The following CCL14 variants were observed in gnomAD, a reference collection of about 807,000 sequenced individuals.
The protein encoded by CCL14 is C-C motif chemokine 14.
Under a neutral mutation model 8.2 loss-of-function variants are expected in CCL14, and 8 were observed. The observed-to-expected ratio is 0.98, with a 90% CI of 0.57 to 1.76. The LOEUF (loss-of-function observed/expected upper bound fraction) is 1.76. Ranked by LOEUF, CCL14 falls within the 40% of genes most tolerant of loss-of-function variation. CCL14 has a pLI of 0.00. For missense variants in CCL14, 127 were observed against 118.3 expected, an observed-to-expected ratio of 1.07 and a Z score of -0.34; for synonymous variants, 50 against 43.2, an observed-to-expected ratio of 1.16 and a Z score of -0.62.
intron 1 of CCL14, 112 bp downstream of exon 1, chr17:35,986,459 C>T (rs1598737974): frequency 6.5e-6 from 5 of 764,678 alleles, no homozygotes; most frequent in Non-Finnish European, 1.1e-5. Flanking sequence ...CAAGAAGATA[C>T]CAGCCCTCCT....
intron 2 of CCL14, 34 bp downstream of exon 2, chr17:35,984,302 CCT>C: frequency 6.7e-7 from 1 of 1,483,414 alleles, no homozygotes; most frequent in Non-Finnish European, 9.4e-7. Context: ...CTGCTGGCTC[CCT>C]CTCCCCCCAG....
At chr17:35,984,301 C>T (rs752792314) in intron 2 of CCL14, 37 bp downstream of exon 2, 1 of 1,474,112 alleles carries the variant, frequency 6.8e-7, no homozygotes, top group Non-Finnish European at 9.5e-7. Flanking sequence ...CCTGCTGGCT[C>T]CCTCTCCCCC....
chr17:35,986,073 G>A (rs963162956), intron 1 of CCL14: 7 of 483,806 alleles, frequency 1.4e-5, no homozygotes, highest in African/African-American at 1.0e-4. Context: ...CCCCAAATGG[G>A]GTGGGCCACT....
At chr17:35,984,627 G>A (rs1449759415) in intron 1 of CCL14, 175 bp from the exon 2 acceptor site, 1 of 600,846 alleles carries the variant, frequency 1.7e-6, no homozygotes, top group East Asian at 2.8e-5. Flanking sequence ...TGGTACTCCT[G>A]GGCTCTTCTT....
At chr17:35,985,708 C>A in intron 1 of CCL14, 2 of 1,531,498 alleles carry the variant, frequency 1.3e-6, no homozygotes, top group Non-Finnish European at 1.8e-6. Context: ...TCTGAGCTGA[C>A]AAATGACATC....
chr17:35,985,915 G>T, intron 1 of CCL14: 1 of 801,418 alleles, frequency 1.2e-6, no homozygotes. Flanking sequence ...ACACTGTCGT[G>T]TTTCCCCCCA....
chr17:35,983,982 C>A, intron 2 of CCL14, 94 bp from the exon 3 acceptor site: 1 of 902,974 alleles, frequency 1.1e-6, no homozygotes, highest in South Asian at 1.3e-5. Context: ...CCCCACCTGA[C>A]CTATACTGCT....
chr17:35,984,756 A>C, intron 1 of CCL14: 1 of 494,736 alleles, frequency 2.0e-6, no homozygotes, highest in Non-Finnish European at 3.5e-6. Context: ...TTCTTACACC[A>C]TCTCTGGGGG....
At chr17:35,985,925 A>C (rs953088306) in intron 1 of CCL14, 3 of 736,730 alleles carry the variant, frequency 4.1e-6, no homozygotes, top group Non-Finnish European at 4.5e-6. Context: ...GTTTCCCCCC[A>C]GCCCATACCC....
At chr17:35,985,416 G>A (rs889534482) in intron 1 of CCL14, 74 of 313,962 alleles carry the variant, frequency 2.4e-4, no homozygotes, top group African/African-American at 1.3e-3. Context: ...GTAGCAGGAA[G>A]GACATTGTAG....
intron 1 of CCL14, chr17:35,985,799 A>C (rs1268532088): frequency 1.3e-6 from 2 of 1,550,276 alleles, no homozygotes; most frequent in Admixed American, 3.9e-5. Flanking sequence ...CCAGTTTCTG[A>C]AAAGGAGAGT....
intron 1 of CCL14, chr17:35,985,498 T>A (rs1420582309): frequency 3.7e-6 from 2 of 546,988 alleles, no homozygotes; most frequent in Non-Finnish European, 6.4e-6. Context: ...GCATGTTATG[T>A]GACCCTGCTT....
At position 35,986,528 on chromosome 17, in the gene CCL14, C is replaced by T. The variant is rs888652755; in HGVS notation, c.79+43G>A. On this transcript the variant is annotated intron_variant, in intron 1 of 2. Coordinates refer to ENST00000618404, the MANE Select transcript of CCL14 (RefSeq NM_032963.4). ...CCCAACCTCACTCCTGCTTATTTCC[C>T]TGCAGGCTCTAGGTTGGAAGGAAGA... 7.9e-6 allele frequency: 12 copies of T among 1,515,496 alleles called. No homozygotes were observed. In the African/African-American group the frequency reaches 1.4e-4, roughly 17 times the overall value. The allele number at this position is 1,515,496 out of a possible 1,614,324, so 93.9% of individuals were successfully genotyped here.
intron 2 of CCL14, 79 bp from the exon 3 acceptor site, chr17:35,983,967 A>C: frequency 9.6e-7 from 1 of 1,041,202 alleles, no homozygotes; most frequent in Non-Finnish European, 1.5e-6. Context: ...CCTCCCTCCT[A>C]AATTCCCCAC....
At chr17:35,983,919 C>T (rs2089713095) in intron 2 of CCL14, 31 bp from the exon 3 acceptor site, 1 of 1,535,106 alleles carries the variant, frequency 6.5e-7, no homozygotes, top group African/African-American at 1.4e-5. Context: ...GGATCACAAA[C>T]CGAGGGGCCC....
intron 1 of CCL14, 77 bp from the exon 2 acceptor site, chr17:35,984,529 G>A (rs1407395410): frequency 3.3e-6 from 3 of 907,288 alleles, no homozygotes; most frequent in Non-Finnish European, 3.7e-6. Context: ...GCAAGCTGAG[G>A]GCATGGAGGA....
chr17:35,984,769 G>T (rs954079012), intron 1 of CCL14: 1 of 487,360 alleles, frequency 2.1e-6, no homozygotes, highest in Non-Finnish European at 3.6e-6. Flanking sequence ...TCTGGGGGCC[G>T]ACTGGCAGAG....
Position 35,983,897 on chromosome 17 carries a change from C to T in CCL14, c.195-9G>A. ...CCCTTTTGGTGATGAAGCTGTGGAG[C>T]AAGAGGGAGAAGGATCACAAACCGA... On this transcript the variant is annotated splice_polypyrimidine_tract_variant and intron_variant, in intron 2 of 2. Coordinates refer to ENST00000618404, the MANE Select transcript of CCL14 (RefSeq NM_032963.4). 1.2e-6 allele frequency: 2 copies of T among 1,608,708 alleles called. No individual in the cohort carries two copies. The highest frequency in any genetic ancestry group is 1.7e-6 in the Non-Finnish European group (2 of 1,175,162).
intron 2 of CCL14, 70 bp downstream of exon 2, chr17:35,984,268 C>A: frequency 8.7e-7 from 1 of 1,152,960 alleles, no homozygotes; most frequent in Non-Finnish European, 1.3e-6. Flanking sequence ...TCCACCACCA[C>A]TCCCTGCTTC....
Sources: gnomAD v4.1 joint callset for allele counts on GRCh38, gnomAD v4.1.1 for gene constraint, MANE v1.5 for transcripts, NCBI Gene and HGNC (gene_info 2026-07-23, HGNC 2026-07-21) for gene names.